EIF4H: variants seen among roughly 807,000 people sequenced by gnomAD.
The protein encoded by EIF4H is Williams-Beuren syndrome chromosome region 1.
In EIF4H, 8 loss-of-function variants were observed where a neutral mutation model predicts 30.6. The observed-to-expected ratio is 0.26, with a 90% CI of 0.15 to 0.47. The LOEUF is 0.47. Among genes scored for constraint, EIF4H ranks in the 20% least tolerant of loss-of-function variants. EIF4H has a pLI of 0.99. For missense variants in EIF4H, 188 were observed against 339.5 expected (o/e 0.55, Z 3.51); for synonymous variants, 106 against 122.7 (o/e 0.86, Z 0.90).
chr7:74,190,571 G>T (rs1801183814), intron 5 of EIF4H, among the ~76,000 whole-genome samples: 1 of 152,230 alleles, frequency 6.6e-6, no homozygotes, highest in African/African-American at 2.4e-5. Flanking sequence ...AGCTCGCTCA[G>T]CAGTCTTTCT....
intron 1 of EIF4H, among the ~76,000 whole-genome samples, chr7:74,181,191 A>G (rs1368731491): frequency 6.6e-6 from 1 of 152,076 alleles, no homozygotes; most frequent in Non-Finnish European, 1.5e-5. Flanking sequence ...TAACCTCATA[A>G]ACATTTTGGC....
At chr7:74,194,389 T>C (rs182329887) in intron 5 of EIF4H, among the ~76,000 whole-genome samples, 1 of 152,364 alleles carries the variant, frequency 6.6e-6, no homozygotes, top group Admixed American at 6.5e-5. Flanking sequence ...TATTAGAAAA[T>C]AGAGTTCAAC....
At chr7:74,190,392 G>T in intron 5 of EIF4H, 86 bp downstream of exon 5, 1 of 1,341,164 alleles carries the variant, frequency 7.5e-7, no homozygotes. Flanking sequence ...CCGCCTGGCC[G>T]GACTACTTAT....
At chr7:74,175,893 G>T (rs1324866209) in intron 1 of EIF4H, among the ~76,000 whole-genome samples, 1 of 152,084 alleles carries the variant, frequency 6.6e-6, no homozygotes, top group Non-Finnish European at 1.5e-5. Flanking sequence ...ACATTTGCCA[G>T]CTCTTCTGGT....
chr7:74,186,480 T>C (rs1801082772), intron 1 of EIF4H, among the ~76,000 whole-genome samples: 1 of 152,192 alleles, frequency 6.6e-6, no homozygotes, highest in Non-Finnish European at 1.5e-5. Flanking sequence ...CCCAAAATGC[T>C]GTATTAGGAT....
chr7:74,176,691 T>TAACC (rs1328368945), intron 1 of EIF4H, among the ~76,000 whole-genome samples: 5 of 152,248 alleles, frequency 3.3e-5, no homozygotes. Flanking sequence ...TTGTGTTTAA[T>TAACC]AACCAGTGCA....
At chr7:74,174,954 C>T (rs1264552482) in intron 1 of EIF4H, among the ~76,000 whole-genome samples, 1 of 152,232 alleles carries the variant, frequency 6.6e-6, no homozygotes, top group Non-Finnish European at 1.5e-5. Context: ...CTTCCCCTTA[C>T]GTGTGAGGCA....
rs555278621 is a variant in EIF4H at position 74,195,381 on chromosome 7, G to C, written c.*73G>C. 6,390 of 1,452,052 alleles carry C rather than the reference G, an allele frequency of 4.4e-3. 20 individuals carry two copies. Among genetic ancestry groups the C allele is most frequent in the Non-Finnish European group, 5.4e-3 (5,894 of 1,095,174 alleles). The allele number at this position is 1,452,052 out of a possible 1,614,324, so 89.9% of individuals were successfully genotyped here. On this transcript the variant is annotated 3_prime_UTR_variant, in exon 7 of 7. Transcript: ENST00000265753. ...CAGCCTGGTGAGTCCCCGGGCAGCC[G>C]TCCTGCAGCCGCCACTCCTGCGCCT...
chr7:74,195,318 T>C lies in EIF4H; in HGVS notation c.*10T>C. ...AAAGGAGCAAGAATGAGCCTGCGGT[T>C]GGGAGGGAATGGGGCGTGGGGGGTT... On this transcript the variant is annotated 3_prime_UTR_variant, in exon 7 of 7. Transcript: ENST00000265753. 6.2e-7 allele frequency: 1 copy of C among 1,612,354 alleles called. No homozygotes were observed. Among genetic ancestry groups the C allele is most frequent in the Non-Finnish European group, 8.5e-7 (1 of 1,179,288 alleles).
At chr7:74,189,971 A>G (rs782211385) in intron 4 of EIF4H, 53 bp downstream of exon 4, 58 of 1,589,992 alleles carry the variant, frequency 3.6e-5, no homozygotes, top group Non-Finnish European at 2.1e-5. Flanking sequence ...TATGCCTACC[A>G]ATTCCAACTC....
rs375347301 is a variant in EIF4H, at chr7:74,180,622, C to T, written c.59+6180C>T. ...TAAATGTGGAATATTGTGAACCATT[C>T]TGGGAACCATATTTTAAGGCATCAG... On this transcript the variant is annotated intron_variant, in intron 1 of 6. Transcript: ENST00000265753. Among the ~76,000 whole-genome samples, 17 of 152,300 alleles carry T rather than the reference C, an allele frequency of 1.1e-4. No homozygotes were observed. In the South Asian group the frequency reaches 2.1e-3, roughly 19 times the overall value.
intron 1 of EIF4H, 56 bp downstream of exon 1, chr7:74,174,498 CCGTCAGGGTG>C (rs1800790225): frequency 1.6e-6 from 2 of 1,286,474 alleles, no homozygotes; most frequent in African/African-American, 3.1e-5. Flanking sequence ...GGAGTCGGGG[CCGTCAGGGTG>C]GCGGCCGTCC....
intron 2 of EIF4H, among the ~76,000 whole-genome samples, chr7:74,188,764 T>G (rs782757155): frequency 2.0e-5 from 3 of 152,120 alleles, no homozygotes; most frequent in Non-Finnish European, 2.9e-5. Context: ...CCATCTTCAT[T>G]TGAGCAGCTC....
At chr7:74,184,065 G>A (rs879998574) in intron 1 of EIF4H, 2 of 152,216 alleles carry the variant, frequency 1.3e-5, no homozygotes, top group Non-Finnish European at 2.9e-5. Flanking sequence ...ACAGTTTGGT[G>A]GGCTTTGGTG....
intron 1 of EIF4H, among the ~76,000 whole-genome samples, chr7:74,179,604 C>T (rs1554708132): frequency 7.1e-6 from 1 of 141,550 alleles, no homozygotes; most frequent in Non-Finnish European, 1.5e-5. Context: ...TGCACTCCCG[C>T]CTGGGCGACA....
chr7:74,184,338 A>G, intron 1 of EIF4H, among the ~76,000 whole-genome samples: 1 of 152,158 alleles, frequency 6.6e-6, no homozygotes. Context: ...GAGCACAATT[A>G]GCAAGCCTTC....
rs782302162 is a variant in EIF4H, at chr7:74,195,332, G to A, written c.*24G>A. 3 of 1,609,200 alleles carry A rather than the reference G, an allele frequency of 1.9e-6. No individual in the cohort carries two copies. The highest frequency in any genetic ancestry group is 2.2e-5 in the East Asian group (1 of 44,830). ...GAGCCTGCGGTTGGGAGGGAATGGG[G>A]CGTGGGGGGTTAGAGCAGGACCACA... is the stretch of plus-strand genomic sequence containing the variant. On this transcript the variant is annotated 3_prime_UTR_variant, in exon 7 of 7. Transcript: ENST00000265753.
rs1563957617 is a variant in EIF4H, at chr7:74,196,665, C to T, written c.*1357C>T. ...AGGCCCTCGCCAGGTGATGGCAGGG[C>T]CAGGGTGGCCTGGGGCACCCAGCGG... On this transcript the variant is annotated 3_prime_UTR_variant, in exon 7 of 7. Coordinates refer to ENST00000265753, the MANE Select transcript of EIF4H (RefSeq NM_022170.2). 3 of 151,466 alleles carry T rather than the reference C, an allele frequency of 2.0e-5. No individual in the cohort carries two copies. The highest frequency in any genetic ancestry group is 4.4e-5 in the Non-Finnish European group (3 of 67,838). The allele number at this position is 151,466 out of a possible 1,614,324, so 9.4% of individuals were successfully genotyped here. A position where few individuals can be genotyped will look rare whatever the true frequency, so the allele number is the denominator to read the frequency against.
chr7:74,194,907 T>C, intron 6 of EIF4H, 29 bp downstream of exon 6: 2 of 1,570,974 alleles, frequency 1.3e-6, no homozygotes, highest in Non-Finnish European at 1.7e-6. Flanking sequence ...GTGGAGGGCA[T>C]CTTGTCCTGA....
Sources: allele counts gnomAD v4.1 joint callset (sites outside exome capture counted in the v4.1 genomes callset), GRCh38; gene constraint gnomAD v4.1.1; transcripts MANE v1.5; gene names NCBI Gene and HGNC (gene_info 2026-07-23, HGNC 2026-07-21).